Variants in TSPEAR observed in about 807,000 individuals in gnomAD.
The protein encoded by TSPEAR is thrombospondin-type laminin G domain and EAR repeat-containing protein.
A neutral mutation model predicts 71.6 loss-of-function variants in TSPEAR; 69 were observed. The ratio of observed to expected loss-of-function variants is 0.96; its 90% CI spans 0.79 to 1.18. TSPEAR has a LOEUF of 1.18. TSPEAR is among the 50% of genes most tolerant of loss of function. The pLI, the probability that TSPEAR is intolerant of heterozygous loss-of-function variation, is 0.00. For missense variants in TSPEAR, 971 were observed against 894.9 expected, an observed-to-expected ratio of 1.09 and a Z score of -1.09; for synonymous variants, 402 against 387.2, an observed-to-expected ratio of 1.04 and a Z score of -0.45.
intron 1 of TSPEAR, among the ~76,000 whole-genome samples, chr21:44,604,889 T>C (rs1306262430): frequency 1.3e-5 from 2 of 152,268 alleles, no homozygotes; most frequent in African/African-American, 4.8e-5. Context: ...ATCACATTTA[T>C]TGATTTATAT....
chr21:44,516,338 G>A (rs1555913426), intron 9 of TSPEAR: 2 of 152,384 alleles, frequency 1.3e-5, no homozygotes, highest in South Asian at 2.1e-4. Context: ...CACCTGGTCT[G>A]GGCACCTGAA....
chr21:44,589,560 C>T (rs782634404), intron 1 of TSPEAR, among the ~76,000 whole-genome samples: 9 of 152,276 alleles, frequency 5.9e-5, no homozygotes, highest in South Asian at 2.1e-4. Flanking sequence ...TTTTGAGGGA[C>T]GGTTTTCCAA....
At chr21:44,694,344 T>C (rs1987241085) in intron 1 of TSPEAR, among the ~76,000 whole-genome samples, 1 of 152,246 alleles carries the variant, frequency 6.6e-6, no homozygotes, top group Admixed American at 6.5e-5. Flanking sequence ...TCCTCTTACA[T>C]GAAGTATCTA....
chr21:44,628,334 C>T lies in TSPEAR; in HGVS notation c.83-60329G>A, dbSNP rs587660790. 9.2e-5 allele frequency: 35 copies of T among 382,100 alleles called. 1 individual carries two copies. Among genetic ancestry groups the T allele is most frequent in the South Asian group, 6.8e-4 (21 of 30,802 alleles). 23.7% of individuals were successfully genotyped at this position (382,100 alleles called of 1,614,324 possible). A position where few individuals can be genotyped will look rare whatever the true frequency, so the allele number is the denominator to read the frequency against. On this transcript the variant is annotated intron_variant, in intron 1 of 11. Transcript: ENST00000323084. ...CTGACCCGGGTCTCACCCCCAGCAG[C>T]GTCACCCTCTGCCCCTGAGCACCAA...
Position 44,612,861 on chromosome 21 carries a change from G to A in TSPEAR, c.83-44856C>T, listed in dbSNP as rs1555931562. Reference sequence around the variant, plus strand: ...CTGTCCTTCCTCTGCCGCCCCGCGTGCTCCCGCCTGGCCTGCTGAGGCCTC... The same window carrying A: ...CTGTCCTTCCTCTGCCGCCCCGCGTACTCCCGCCTGGCCTGCTGAGGCCTC... On this transcript the variant is annotated intron_variant, in intron 1 of 11. Transcript: ENST00000323084. The surrounding 1 kb of genome is among the most constrained non-coding windows in gnomAD (Gnocchi z 4.1). The A allele has an allele frequency of 6.2e-6, 10 of 1,611,886 alleles. No individual in the cohort carries two copies. Among genetic ancestry groups the A allele is most frequent in the Non-Finnish European group, 8.5e-6 (10 of 1,179,734 alleles).
chr21:44,533,961 G>T, intron 2 of TSPEAR, 38 bp from the exon 3 acceptor site: 95 of 1,344,868 alleles, frequency 7.1e-5, no homozygotes, highest in Non-Finnish European at 9.1e-5. Context: ...GGGGCTGGGG[G>T]TAGGGGTCGG....
chr21:44,583,941 G>A (rs1483235130), intron 1 of TSPEAR, among the ~76,000 whole-genome samples: 1 of 152,154 alleles, frequency 6.6e-6, no homozygotes, highest in Non-Finnish European at 1.5e-5. Flanking sequence ...AACTGTCCCC[G>A]TGCTGCACAT....
chr21:44,591,840 C>T, intron 1 of TSPEAR: 1 of 1,607,670 alleles, frequency 6.2e-7, no homozygotes. Flanking sequence ...AGCAAGTTGG[C>T]TGGCAGCTAG....
intron 2 of TSPEAR, among the ~76,000 whole-genome samples, chr21:44,564,877 G>A (rs79900885): frequency 0.019 from 2,952 of 152,184 alleles, 84 homozygotes; most frequent in African/African-American, 0.066. Flanking sequence ...TAGGACATAT[G>A]TTAGGCCATA....
At chr21:44,698,805 G>A (rs1213886189) in intron 1 of TSPEAR, among the ~76,000 whole-genome samples, 4 of 152,198 alleles carry the variant, frequency 2.6e-5, no homozygotes, top group Admixed American at 1.3e-4. Flanking sequence ...TACAACTCCC[G>A]TGTCTGAAGC....
intron 1 of TSPEAR, among the ~76,000 whole-genome samples, chr21:44,582,112 A>T (rs985070348): frequency 2.6e-5 from 4 of 152,248 alleles, no homozygotes; most frequent in African/African-American, 9.6e-5. Flanking sequence ...TCAGGAAATG[A>T]CAGGAAAGCC....
At position 44,593,533 on chromosome 21, in the gene TSPEAR, C is replaced by T. The variant is rs9983876; in HGVS notation, c.83-25528G>A. On this transcript the variant is annotated intron_variant, in intron 1 of 11. Coordinates refer to ENST00000323084, the MANE Select transcript of TSPEAR (RefSeq NM_144991.3). The surrounding 1 kb of genome is among the most constrained non-coding windows in gnomAD (Gnocchi z 5.9). ...GACTAAATGGATCCCATCTTGCCCA[C>T]GGGGACCCCCGAAAAACTGCGTTCC... is the stretch of plus-strand genomic sequence containing the variant. Among the ~76,000 whole-genome samples the T allele has an allele frequency of 0.09, 13,693 of 152,220 alleles. 1,789 individuals are homozygous for T. Among genetic ancestry groups the T allele is most frequent in the African/African-American group, 0.28 (11,803 of 41,484 alleles).
intron 1 of TSPEAR, chr21:44,591,296 A>G (rs1004335823): frequency 8.0e-5 from 119 of 1,489,766 alleles, no homozygotes; most frequent in Non-Finnish European, 1.0e-4. Flanking sequence ...CCATCTTCTG[A>G]GGGTGTCAAA....
At chr21:44,700,655 G>A (rs986307685) in intron 1 of TSPEAR, among the ~76,000 whole-genome samples, 12 of 152,218 alleles carry the variant, frequency 7.9e-5, no homozygotes, top group African/African-American at 2.9e-4. Context: ...GGGCCCTGAA[G>A]CCTCAGCCCC....
At chr21:44,524,676 GGTAAT>G (rs1555914713) in intron 8 of TSPEAR, among the ~76,000 whole-genome samples, 4 of 150,826 alleles carry the variant, frequency 2.7e-5, no homozygotes, top group African/African-American at 9.9e-5. Flanking sequence ...TAGTCAGTTA[GGTAAT>G]TAGTCAGTCA....
chr21:44,612,694 C>T lies in TSPEAR; in HGVS notation c.83-44689G>A, dbSNP rs1981789463. 6.2e-7 allele frequency: 1 copy of T among 1,613,934 alleles called. No homozygotes were observed. The highest frequency in any genetic ancestry group is 1.3e-5 in the African/African-American group (1 of 74,914). On this transcript the variant is annotated intron_variant, in intron 1 of 11. Coordinates refer to ENST00000323084, the MANE Select transcript of TSPEAR (RefSeq NM_144991.3). This position sits in a 1 kb window ranked among gnomAD's most constrained non-coding sequence, Gnocchi z 4.1. Reference sequence around the variant, plus strand: ...AGTCTAGCTGCCAGCCGGCTTGCTGCACCACCTCCTGCTGCAGACCCTCCT... The same window carrying T: ...AGTCTAGCTGCCAGCCGGCTTGCTGTACCACCTCCTGCTGCAGACCCTCCT...
chr21:44,662,690 T>C (rs1555943923), intron 1 of TSPEAR, among the ~76,000 whole-genome samples: 1 of 152,174 alleles, frequency 6.6e-6, no homozygotes, highest in East Asian at 1.9e-4. Context: ...ACATGAAACA[T>C]TCACCAAAAA....
At chr21:44,596,767 CTCATT>C (rs1208346895) in intron 1 of TSPEAR, among the ~76,000 whole-genome samples, 1 of 152,176 alleles carries the variant, frequency 6.6e-6, no homozygotes, top group Non-Finnish European at 1.5e-5. Flanking sequence ...AGCACGTTTT[CTCATT>C]TAAGAACCAT....
chr21:44,549,876 T>C (rs1474188583), intron 2 of TSPEAR, among the ~76,000 whole-genome samples: 3 of 152,344 alleles, frequency 2.0e-5, no homozygotes, highest in African/African-American at 7.2e-5. Context: ...ATCCCAGCTG[T>C]AAGCCTGGTG....
Sources: gnomAD v4.1 joint callset for allele counts (sites outside exome capture counted in the v4.1 genomes callset) on GRCh38, gnomAD v4.1.1 for gene constraint, Gnocchi (gnomAD v3.1) non-coding constraint, MANE v1.5 for transcripts, NCBI Gene and HGNC (gene_info 2026-07-23, HGNC 2026-07-21) for gene names.